The following STAU2 variants were observed in gnomAD, a reference collection of about 807,000 sequenced individuals.
The protein encoded by STAU2 is double-stranded RNA-binding protein Staufen homolog 2.
Under a neutral mutation model 65.9 loss-of-function variants are expected in STAU2, and 20 were observed. That is an observed-to-expected ratio of 0.30 (90% confidence interval 0.21 to 0.44). The LOEUF is 0.44. Among genes scored for constraint, STAU2 ranks in the 20% least tolerant of loss-of-function variants. The pLI is 1.00. For synonymous variants in STAU2, 232 were observed against 233.9 expected (o/e 0.99, Z 0.07); for missense variants, 558 against 683.9 (o/e 0.82, Z 2.05).
chr8:73,606,095 G>A (rs913453979), intron 9 of STAU2, among the ~76,000 whole-genome samples: 6 of 151,878 alleles, frequency 4.0e-5, no homozygotes, highest in Admixed American at 2.6e-4. Context: ...CCTCACAGAC[G>A]TAAATGTAAT....
chr8:73,649,874 T>TATATAC, intron 6 of STAU2, among the ~76,000 whole-genome samples: 1 of 112,988 alleles, frequency 8.9e-6, no homozygotes, highest in Admixed American at 8.2e-5. Context: ...TAATTTTATA[T>TATATAC]ATATATATAT....
chr8:73,675,304 C>A (rs1370277396), intron 5 of STAU2, among the ~76,000 whole-genome samples: 1 of 150,746 alleles, frequency 6.6e-6, no homozygotes, highest in East Asian at 1.9e-4. Flanking sequence ...GTGCTAAGAG[C>A]AAAGTTTACA....
At chr8:73,567,456 A>G (rs6472784) in intron 12 of STAU2, among the ~76,000 whole-genome samples, 137,639 of 152,040 alleles carry the variant, frequency 0.91, 62,326 homozygotes, top group Admixed American at 0.93. Flanking sequence ...GCAGTGAGCC[A>G]AGATTACACC....
intron 6 of STAU2, among the ~76,000 whole-genome samples, chr8:73,642,652 A>T (rs1429245147): frequency 1.3e-5 from 2 of 151,658 alleles, no homozygotes; most frequent in African/African-American, 4.9e-5. Context: ...GCTTTTCTTT[A>T]TTTTATCTGC....
At chr8:73,735,410 G>T (rs901347088) in intron 3 of STAU2, among the ~76,000 whole-genome samples, 1 of 152,090 alleles carries the variant, frequency 6.6e-6, no homozygotes. Flanking sequence ...AGAAGGGGGG[G>T]TCTCTTAAAT....
At chr8:73,679,705 C>G (rs79354060) in intron 5 of STAU2, among the ~76,000 whole-genome samples, 30,034 of 150,232 alleles carry the variant, frequency 0.2, 3,377 homozygotes, top group East Asian at 0.36. Flanking sequence ...ATGGTGAAAC[C>G]CTGTTTCTAC....
intron 9 of STAU2, 50 bp downstream of exon 9, chr8:73,613,694 T>A: frequency 7.1e-7 from 1 of 1,417,494 alleles, no homozygotes; most frequent in South Asian, 1.3e-5. Flanking sequence ...CTATAGCTAC[T>A]ATAATATTTA....
intron 13 of STAU2, among the ~76,000 whole-genome samples, chr8:73,457,800 T>C (rs910060422): frequency 1.3e-5 from 2 of 152,158 alleles, no homozygotes; most frequent in African/African-American, 2.4e-5. Context: ...AGGGAGTGCA[T>C]GGGCACCAAC....
chr8:73,545,937 A>G (rs562064028), intron 13 of STAU2, among the ~76,000 whole-genome samples: 2 of 151,468 alleles, frequency 1.3e-5, no homozygotes, highest in South Asian at 2.1e-4. Flanking sequence ...ATGAGCCACC[A>G]CACCTGGCCC....
chr8:73,456,544 G>A (rs543195082), intron 13 of STAU2, among the ~76,000 whole-genome samples: 3 of 152,216 alleles, frequency 2.0e-5, no homozygotes, highest in Admixed American at 2.0e-4. Context: ...GGAGGGGGAG[G>A]GAGCAGGTGC....
At chr8:73,551,588 A>G in intron 13 of STAU2, 5 of 988,934 alleles carry the variant, frequency 5.1e-6, no homozygotes, top group Non-Finnish European at 6.0e-6. Context: ...AAATTGCTAT[A>G]AAGGTAAAAT....
intron 6 of STAU2, among the ~76,000 whole-genome samples, chr8:73,626,941 T>C (rs1813687994): frequency 2.0e-5 from 3 of 151,894 alleles, no homozygotes; most frequent in African/African-American, 7.3e-5. Context: ...GACACCACCC[T>C]ATTTCTTGCC....
intron 12 of STAU2, among the ~76,000 whole-genome samples, chr8:73,574,604 G>A (rs577225438): frequency 3.3e-5 from 5 of 152,202 alleles, no homozygotes; most frequent in Non-Finnish European, 7.3e-5. Flanking sequence ...CATGTCCTTT[G>A]TAGGGACATG....
intron 10 of STAU2, among the ~76,000 whole-genome samples, chr8:73,598,576 G>A (rs1261282509): frequency 1.3e-5 from 2 of 152,060 alleles, no homozygotes; most frequent in Non-Finnish European, 2.9e-5. Context: ...AACACCTACA[G>A]CAAACCTCAG....
At position 73,478,267 on chromosome 8, in the gene STAU2, C is replaced by T. The variant is rs75749353; in HGVS notation, c.1531-55565G>A. 1.3e-3 allele frequency among the ~76,000 whole-genome samples: 143 copies of T among 107,502 alleles called. 3 individuals carry two copies. In the East Asian group the frequency reaches 0.035, roughly 26 times the overall value. 70.5% of individuals were successfully genotyped at this position (107,502 alleles called of 152,430 possible). ...AAGAATTAAGAATTATCTTGGGCCA[C>T]ACATAAAATACACTAACACTAACGA... On this transcript the variant is annotated intron_variant, in intron 13 of 14. Coordinates refer to ENST00000524300, the MANE Select transcript of STAU2 (RefSeq NM_001164380.2).
chr8:73,707,981 A>T (rs1423204708), intron 4 of STAU2, among the ~76,000 whole-genome samples: 1 of 152,230 alleles, frequency 6.6e-6, no homozygotes, highest in African/African-American at 2.4e-5. Flanking sequence ...AAAAGAACAT[A>T]AAGCGTTCTG....
At chr8:73,503,779 T>C (rs1055474035) in intron 13 of STAU2, among the ~76,000 whole-genome samples, 1 of 152,066 alleles carries the variant, frequency 6.6e-6, no homozygotes, top group African/African-American at 2.4e-5. Context: ...ATTTGTCTCT[T>C]GGCTGAGACT....
chr8:73,584,012 C>A (rs1405038314), intron 11 of STAU2, among the ~76,000 whole-genome samples: 1 of 152,076 alleles, frequency 6.6e-6, no homozygotes, highest in Non-Finnish European at 1.5e-5. Context: ...AAATAGTTTA[C>A]CCATGTTCAT....
At position 73,589,543 on chromosome 8, in the gene STAU2, CAT is replaced by C. The variant is rs569401620; in HGVS notation, c.1161+5621_1161+5622del. On this transcript the variant is annotated intron_variant, in intron 11 of 14. Coordinates refer to ENST00000524300, the MANE Select transcript of STAU2 (RefSeq NM_001164380.2). The stretch of plus-strand genomic sequence containing the variant: ...ACCAATAGAAACCACAGAACAAAAA[CAT>C]AAGGAAATCCTAAACGAAAAATATT... 3.1e-4 allele frequency among the ~76,000 whole-genome samples: 47 copies of C among 152,204 alleles called. No individual in the cohort carries two copies. The South Asian group carries it at 9.1e-3, about 30-fold the overall frequency.
Sources: allele counts gnomAD v4.1 joint callset (sites outside exome capture counted in the v4.1 genomes callset), GRCh38; gene constraint gnomAD v4.1.1; transcripts MANE v1.5; gene names NCBI Gene and HGNC (gene_info 2026-07-23, HGNC 2026-07-21).